SIPA1L1: variants seen among roughly 807,000 people sequenced by gnomAD.
The protein encoded by SIPA1L1 is signal induced proliferation associated 1 like 1.
In SIPA1L1, 26 loss-of-function variants were observed where a neutral mutation model predicts 162.7. The observed-to-expected ratio is 0.16, with a 90% CI of 0.12 to 0.22. The LOEUF is 0.22. Ranked by LOEUF, SIPA1L1 falls within the 10% of genes least tolerant of loss-of-function variation. SIPA1L1 has a pLI of 1.00. For synonymous variants in SIPA1L1, 829 were observed against 837.4 expected (o/e 0.99, Z 0.17); for missense variants, 1,874 against 2,241.0 (o/e 0.84, Z 3.31).
intron 2 of SIPA1L1, among the ~76,000 whole-genome samples, chr14:71,491,825 C>T (rs2049305298): frequency 2.0e-5 from 3 of 150,762 alleles, no homozygotes; most frequent in Non-Finnish European, 3.0e-5. Context: ...CCTTCCCCCG[C>T]CCCCCCACAT....
At chr14:71,363,730 T>C (rs1157806370) in intron 2 of SIPA1L1, among the ~76,000 whole-genome samples, 1 of 152,220 alleles carries the variant, frequency 6.6e-6, no homozygotes, top group Non-Finnish European at 1.5e-5. Flanking sequence ...CAGATTTTAT[T>C]TCCTAACTAT....
intron 9 of SIPA1L1, among the ~76,000 whole-genome samples, chr14:71,659,543 CTT>C (rs1329537005): frequency 1.3e-5 from 2 of 152,052 alleles, no homozygotes; most frequent in African/African-American, 4.8e-5. Flanking sequence ...TTTTAGCTCT[CTT>C]TGAAAGAAAA....
intron 2 of SIPA1L1, among the ~76,000 whole-genome samples, chr14:71,502,029 C>A (rs1402538168): frequency 2.8e-5 from 4 of 144,590 alleles, no homozygotes; most frequent in Non-Finnish European, 6.0e-5. Flanking sequence ...CATAGTAAGA[C>A]CCTGTTTCCA....
At chr14:71,658,725 G>C (rs2043270211) in intron 9 of SIPA1L1, among the ~76,000 whole-genome samples, 1 of 152,222 alleles carries the variant, frequency 6.6e-6, no homozygotes, top group Non-Finnish European at 1.5e-5. Context: ...GAAATCATTG[G>C]TGATTACATG....
At chr14:71,679,554 A>G (rs1452092535) in intron 12 of SIPA1L1, among the ~76,000 whole-genome samples, 1 of 152,252 alleles carries the variant, frequency 6.6e-6, no homozygotes, top group Non-Finnish European at 1.5e-5. Context: ...AGCTAACATC[A>G]TAATGACAGG....
chr14:71,586,226 T>A (rs1351449546), intron 4 of SIPA1L1: 2 of 81,214 alleles, frequency 2.5e-5, no homozygotes, highest in Admixed American at 1.1e-4. Flanking sequence ...GCAGCATGCA[T>A]TTTTTTTTTT....
chr14:71,683,458 T>A (rs1156775919), intron 12 of SIPA1L1, among the ~76,000 whole-genome samples: 2 of 152,224 alleles, frequency 1.3e-5, no homozygotes, highest in African/African-American at 4.8e-5. Flanking sequence ...TAAATTTTAG[T>A]CAATATTCCT....
intron 4 of SIPA1L1, among the ~76,000 whole-genome samples, chr14:71,567,261 T>G (rs1370364732): frequency 6.6e-6 from 1 of 152,148 alleles, no homozygotes; most frequent in East Asian, 1.9e-4. Flanking sequence ...ATTCTAGAGC[T>G]CTCTAGAGAG....
chr14:71,444,725 C>G (rs2045211473), intron 2 of SIPA1L1, among the ~76,000 whole-genome samples: 1 of 152,162 alleles, frequency 6.6e-6, no homozygotes, highest in African/African-American at 2.4e-5. Flanking sequence ...GTCTGCTGCT[C>G]CCTCTTATTG....
chr14:71,326,274 C>A (rs926924851), intron 2 of SIPA1L1, among the ~76,000 whole-genome samples: 1 of 150,034 alleles, frequency 6.7e-6, no homozygotes, highest in Non-Finnish European at 1.5e-5. Flanking sequence ...AGTGGCATGA[C>A]CTCGGCTCAC....
Position 71,685,560 on chromosome 14 carries a change from G to T in SIPA1L1, c.3303G>T (p.Lys1101Asn). 1 of 1,614,190 alleles carries T rather than the reference G, an allele frequency of 6.2e-7. No homozygotes were observed. Among genetic ancestry groups the T allele is most frequent in the Non-Finnish European group, 8.5e-7 (1 of 1,180,048 alleles). Residue 1101 changes from lysine (K) to asparagine (N), a missense_variant, in exon 13 of 24, where the codon AAG becomes AAT. Physicochemically the swap from Lys to Asn is moderately conservative, Grantham distance 94 (BLOSUM62 0). Transcript: ENST00000381232. ...TGAATGCTGGAAAAGGAGATGGGAAGATGCCTCCTCCAGAAAGAGCCGCCA... is the reference window on the plus strand; with the variant it reads ...TGAATGCTGGAAAAGGAGATGGGAATATGCCTCCTCCAGAAAGAGCCGCCA... ...SRLNAGKGDG[K>N]MPPPERAANI...
rs2085600378 is a variant in SIPA1L1, at chr14:71,739,282, C to T, written c.*121C>T. 1 of 927,080 alleles carries T rather than the reference C, an allele frequency of 1.1e-6. No homozygotes were observed. The highest frequency in any genetic ancestry group is 1.6e-5 in the African/African-American group (1 of 60,916). The allele number at this position is 927,080 out of a possible 1,614,324, so 57.4% of individuals were successfully genotyped here. A position where few individuals can be genotyped will look rare whatever the true frequency, so the allele number is the denominator to read the frequency against. Reference sequence around the variant, plus strand: ...CTTCCCTGGCTTCCTACTCTGCCCCCTTTCGGGGAGTGCACAACACAATAG... The same window carrying T: ...CTTCCCTGGCTTCCTACTCTGCCCCTTTTCGGGGAGTGCACAACACAATAG... On this transcript the variant is annotated 3_prime_UTR_variant, in exon 24 of 24. Transcript: ENST00000381232.
At chr14:71,409,025 A>T (rs1469461025) in intron 2 of SIPA1L1, among the ~76,000 whole-genome samples, 1 of 152,178 alleles carries the variant, frequency 6.6e-6, no homozygotes, top group Non-Finnish European at 1.5e-5. Flanking sequence ...TTTACTTTGA[A>T]GCTACTGTGT....
At chr14:71,706,242 G>A (rs1319133891) in intron 16 of SIPA1L1, among the ~76,000 whole-genome samples, 1 of 152,082 alleles carries the variant, frequency 6.6e-6, no homozygotes, top group Non-Finnish European at 1.5e-5. Context: ...TATTTACTGA[G>A]GCAAGTTGTG....
intron 4 of SIPA1L1, among the ~76,000 whole-genome samples, chr14:71,580,137 C>A (rs1025888920): frequency 1.3e-5 from 2 of 152,192 alleles, no homozygotes; most frequent in East Asian, 3.8e-4. Flanking sequence ...TCATCGCTTT[C>A]TCTTCTGCCC....
At chr14:71,522,620 A>G (rs1400048559) in intron 3 of SIPA1L1, among the ~76,000 whole-genome samples, 1 of 152,096 alleles carries the variant, frequency 6.6e-6, no homozygotes, top group Non-Finnish European at 1.5e-5. Context: ...CCGATTTGGA[A>G]TGCTCAAGTG....
At chr14:71,704,851 G>T in intron 15 of SIPA1L1, 1 of 1,067,542 alleles carries the variant, frequency 9.4e-7, no homozygotes, top group South Asian at 1.3e-5. Context: ...AGGTAATGTA[G>T]ACCAAGCTAG....
intron 2 of SIPA1L1, among the ~76,000 whole-genome samples, chr14:71,349,794 G>T (rs1161058060): frequency 6.6e-6 from 1 of 152,214 alleles, no homozygotes; most frequent in East Asian, 1.9e-4. Context: ...CTTGTAGCTA[G>T]TATCCTTAGT....
At chr14:71,539,820 G>A (rs1377991989) in intron 4 of SIPA1L1, among the ~76,000 whole-genome samples, 1 of 152,174 alleles carries the variant, frequency 6.6e-6, no homozygotes, top group Non-Finnish European at 1.5e-5. Context: ...GGGGAGGGGG[G>A]CATTTCCTTC....
Sources: allele counts gnomAD v4.1 joint callset (sites outside exome capture counted in the v4.1 genomes callset), GRCh38; gene constraint gnomAD v4.1.1; transcripts MANE v1.5; gene names NCBI Gene and HGNC (gene_info 2026-07-23, HGNC 2026-07-21).